Variants in FRMD4A observed in about 807,000 individuals in gnomAD.
FRMD4A encodes FERM domain containing 4A, also known as FERM domain-containing protein 4A.
FRMD4A carries 29 observed loss-of-function variants against 129.1 expected under a neutral mutation model. That is an observed-to-expected ratio of 0.22 (90% CI 0.17 to 0.31). The LOEUF (loss-of-function observed/expected upper bound fraction) is 0.31, where lower values mean the gene tolerates loss of function less well. Ranked by LOEUF, FRMD4A falls within the 10% of genes least tolerant of loss-of-function variation. The pLI, the probability that FRMD4A is intolerant of heterozygous loss-of-function variation, is 1.00. For synonymous variants in FRMD4A, 634 were observed against 571.6 expected, an observed-to-expected ratio of 1.11 and a Z score of -1.56; for missense variants, 1,272 against 1,375.8, an observed-to-expected ratio of 0.92 and a Z score of 1.19.
intron 2 of FRMD4A, among the ~76,000 whole-genome samples, chr10:14,104,283 A>T (rs995980366): frequency 6.6e-6 from 1 of 152,006 alleles, no homozygotes; most frequent in Admixed American, 6.5e-5. Flanking sequence ...ATTGAGGTCT[A>T]CACTGCCATC....
intron 2 of FRMD4A, among the ~76,000 whole-genome samples, chr10:14,138,246 C>T (rs1471237134): frequency 6.6e-6 from 1 of 152,186 alleles, no homozygotes; most frequent in African/African-American, 2.4e-5. Flanking sequence ...TGACCAAGAC[C>T]TGCCTTTGCT....
chr10:14,208,620 T>C (rs1479621452), intron 2 of FRMD4A, among the ~76,000 whole-genome samples: 2 of 151,994 alleles, frequency 1.3e-5, no homozygotes, highest in East Asian at 3.9e-4. Context: ...TCTGTGCTCC[T>C]GGTAGGCCAC....
chr10:13,669,216 T>C (rs1364219056), intron 17 of FRMD4A, among the ~76,000 whole-genome samples: 1 of 152,100 alleles, frequency 6.6e-6, no homozygotes, highest in Non-Finnish European at 1.5e-5. Context: ...TACACCACCA[T>C]GCCTGGCTAA....
chr10:13,908,060 G>T (rs1159654512), intron 2 of FRMD4A, among the ~76,000 whole-genome samples: 1 of 149,262 alleles, frequency 6.7e-6, no homozygotes. Context: ...AGCTACTCAG[G>T]AGGCTGAGGC....
chr10:14,187,649 C>T (rs1842190020), intron 2 of FRMD4A, among the ~76,000 whole-genome samples: 1 of 152,216 alleles, frequency 6.6e-6, no homozygotes, highest in Non-Finnish European at 1.5e-5. Flanking sequence ...GCACCAGTGG[C>T]ATGCGCCTGT....
chr10:14,109,987 CAAA>C (rs113296482), intron 2 of FRMD4A, among the ~76,000 whole-genome samples: 4 of 117,532 alleles, frequency 3.4e-5, no homozygotes, highest in Non-Finnish European at 3.6e-5. Flanking sequence ...CCAAACCCAC[CAAA>C]AAAAAAAAAA....
At chr10:13,745,977 G>A (rs1377528687) in intron 9 of FRMD4A, among the ~76,000 whole-genome samples, 2 of 152,334 alleles carry the variant, frequency 1.3e-5, no homozygotes, top group East Asian at 1.9e-4. Flanking sequence ...GGAAGCTGAT[G>A]CATGCAAAAT....
At chr10:14,162,056 C>G (rs1420034549) in intron 2 of FRMD4A, among the ~76,000 whole-genome samples, 1 of 150,774 alleles carries the variant, frequency 6.6e-6, no homozygotes, top group Non-Finnish European at 1.5e-5. Context: ...ACAAATAAAT[C>G]TAATATATTT....
At chr10:13,870,932 G>C (rs775107126) in intron 2 of FRMD4A, 1 of 153,312 alleles carries the variant, frequency 6.5e-6, no homozygotes, top group East Asian at 1.9e-4. Context: ...AGAGCAGCTC[G>C]AGGGGAAAGC....
At chr10:13,812,024 A>G (rs1043223749) in intron 3 of FRMD4A, among the ~76,000 whole-genome samples, 2 of 151,970 alleles carry the variant, frequency 1.3e-5, no homozygotes, top group African/African-American at 4.8e-5. Flanking sequence ...CTGGGACTAC[A>G]GGTGCGTGCC....
chr10:13,645,920 T>C lies in FRMD4A; in HGVS notation c.*1118A>G, dbSNP rs542163130. 1 of 152,774 alleles carries C rather than the reference T, an allele frequency of 6.5e-6. No individual in the cohort carries two copies. The highest frequency in any genetic ancestry group is 2.1e-4 in the South Asian group (1 of 4,828). 9.5% of individuals were successfully genotyped at this position (152,774 alleles called of 1,614,324 possible). A position where few individuals can be genotyped will look rare whatever the true frequency, so the allele number is the denominator to read the frequency against. ...AAAAAATAGGATACGCTTTTACTGGTTGGTTTAATGAGAGAGAACCACTTT... is the reference window on the plus strand; with the variant it reads ...AAAAAATAGGATACGCTTTTACTGGCTGGTTTAATGAGAGAGAACCACTTT... On this transcript the variant is annotated 3_prime_UTR_variant, in exon 25 of 25. Coordinates refer to ENST00000357447, the MANE Select transcript of FRMD4A (RefSeq NM_018027.5).
At chr10:13,865,399 A>ATTTG (rs1202016133) in intron 2 of FRMD4A, among the ~76,000 whole-genome samples, 1 of 126,202 alleles carries the variant, frequency 7.9e-6, no homozygotes, top group Non-Finnish European at 1.8e-5. Context: ...TATTTTATTT[A>ATTTG]TTTTATTTGT....
intron 2 of FRMD4A, among the ~76,000 whole-genome samples, chr10:14,325,671 T>C (rs1440120088): frequency 1.3e-5 from 2 of 152,270 alleles, no homozygotes; most frequent in East Asian, 3.8e-4. Flanking sequence ...TCTTGACAAT[T>C]AGACTGTAAG....
intron 2 of FRMD4A, among the ~76,000 whole-genome samples, chr10:14,078,713 T>C (rs1413060677): frequency 1.3e-5 from 2 of 152,208 alleles, no homozygotes; most frequent in Non-Finnish European, 2.9e-5. Context: ...TTGAAGAAGT[T>C]ATGTGAATCT....
intron 15 of FRMD4A, among the ~76,000 whole-genome samples, chr10:13,689,405 G>A (rs1222926098): frequency 6.6e-6 from 1 of 151,906 alleles, no homozygotes; most frequent in Non-Finnish European, 1.5e-5. Flanking sequence ...GGACACTGAC[G>A]TGACACAAAC....
intron 2 of FRMD4A, among the ~76,000 whole-genome samples, chr10:14,218,061 T>G (rs1335188055): frequency 1.3e-5 from 2 of 152,042 alleles, no homozygotes; most frequent in Non-Finnish European, 2.9e-5. Context: ...AACTCCTGAC[T>G]TCAACTGATC....
intron 2 of FRMD4A, among the ~76,000 whole-genome samples, chr10:14,298,211 A>G (rs1320119696): frequency 6.6e-6 from 1 of 152,224 alleles, no homozygotes; most frequent in African/African-American, 2.4e-5. Context: ...CCTCTGCACC[A>G]TATCAAAAAC....
At chr10:14,031,685 T>C (rs1833252736) in intron 2 of FRMD4A, among the ~76,000 whole-genome samples, 1 of 152,232 alleles carries the variant, frequency 6.6e-6, no homozygotes, top group African/African-American at 2.4e-5. Flanking sequence ...AGAGCTGGTC[T>C]GAAATGAGAA....
intron 2 of FRMD4A, among the ~76,000 whole-genome samples, chr10:13,869,009 C>T (rs79049641): frequency 0.021 from 3,151 of 152,282 alleles, 45 homozygotes; most frequent in Non-Finnish European, 0.032. Flanking sequence ...AGTCATAACC[C>T]GGGCTGGCGT....
Sources: gnomAD v4.1 joint callset for allele counts (sites outside exome capture counted in the v4.1 genomes callset) on GRCh38, gnomAD v4.1.1 for gene constraint, MANE v1.5 for transcripts, NCBI Gene and HGNC (gene_info 2026-07-23, HGNC 2026-07-21) for gene names.